Variants in TMEM170B observed in about 807,000 individuals in gnomAD.
TMEM170B encodes the protein transmembrane protein 170B.
A neutral mutation model predicts 13.0 loss-of-function variants in TMEM170B; 6 were observed. The ratio of observed to expected loss-of-function variants is 0.46; its 90% confidence interval spans 0.25 to 0.91. The LOEUF (loss-of-function observed/expected upper bound fraction) is 0.91, where lower values mean the gene tolerates loss of function less well. Among genes scored for constraint, TMEM170B ranks in the 40% least tolerant of loss-of-function variants. TMEM170B has a pLI of 0.17. For synonymous variants in TMEM170B, 61 were observed against 64.9 expected (o/e 0.94, Z 0.29); for missense variants, 138 against 165.2 (o/e 0.84, Z 0.90).
intron 1 of TMEM170B, among the ~76,000 whole-genome samples, chr6:11,560,512 G>T (rs189980980): frequency 6.7e-6 from 1 of 149,844 alleles, no homozygotes; most frequent in Non-Finnish European, 1.5e-5. Flanking sequence ...TCAGGAGACT[G>T]AGGCAGGAGA....
At chr6:11,542,260 AGTAAAT>A (rs2113760497) in intron 1 of TMEM170B, among the ~76,000 whole-genome samples, 1 of 152,324 alleles carries the variant, frequency 6.6e-6, no homozygotes, top group Non-Finnish European at 1.5e-5. Flanking sequence ...GGAGCCATAG[AGTAAAT>A]GTAAATGTAA....
At chr6:11,572,930 C>T (rs1182115474) in intron 2 of TMEM170B, among the ~76,000 whole-genome samples, 1 of 151,892 alleles carries the variant, frequency 6.6e-6, no homozygotes, top group Non-Finnish European at 1.5e-5. Flanking sequence ...TCTATATTTT[C>T]CTTTTGAAAT....
intron 1 of TMEM170B, among the ~76,000 whole-genome samples, chr6:11,542,750 A>T (rs552243925): frequency 2.0e-5 from 3 of 152,342 alleles, no homozygotes; most frequent in African/African-American, 7.2e-5. Flanking sequence ...CTTAATCATT[A>T]GTTAACAGAT....
intron 1 of TMEM170B, among the ~76,000 whole-genome samples, chr6:11,540,811 T>A (rs1759349839): frequency 6.6e-6 from 1 of 152,198 alleles, no homozygotes; most frequent in Non-Finnish European, 1.5e-5. Flanking sequence ...TCTTAAATAA[T>A]AAGACTAGAA....
chr6:11,563,416 C>G (rs888945805), intron 1 of TMEM170B, among the ~76,000 whole-genome samples: 1 of 152,132 alleles, frequency 6.6e-6, no homozygotes, highest in Non-Finnish European at 1.5e-5. Context: ...CTCTAGGATA[C>G]CAACTGGGTG....
chr6:11,574,512 C>A (rs1245485658), intron 2 of TMEM170B, among the ~76,000 whole-genome samples: 1 of 152,100 alleles, frequency 6.6e-6, no homozygotes, highest in Non-Finnish European at 1.5e-5. Context: ...CAGATAACTT[C>A]TCGTCTTTGT....
chr6:11,555,109 A>G (rs1203817580), intron 1 of TMEM170B, among the ~76,000 whole-genome samples: 1 of 152,112 alleles, frequency 6.6e-6, no homozygotes, highest in Admixed American at 6.5e-5. Context: ...TCTGACAAAT[A>G]AATGTTCATT....
rs1377103759 is a variant in TMEM170B, at chr6:11,581,717, C to T, written c.*6156C>T. 6.6e-6 allele frequency: 1 copy of T among 152,132 alleles called. No individual in the cohort carries two copies. The highest frequency in any genetic ancestry group is 6.5e-5 in the Admixed American group (1 of 15,278). The allele number at this position is 152,132 out of a possible 1,614,324, so 9.4% of individuals were successfully genotyped here. ...TAAGCAGAAATCACTTTTTTTAGAG[C>T]CTTGTTTAAAGGAACGTTAACTCGA... On this transcript the variant is annotated 3_prime_UTR_variant, in exon 3 of 3. Transcript: ENST00000379426.
chr6:11,547,413 G>GA (rs146512068), intron 1 of TMEM170B, among the ~76,000 whole-genome samples: 8,802 of 152,170 alleles, frequency 0.058, 275 homozygotes, highest in East Asian at 0.16. Flanking sequence ...AGCTTAAGTA[G>GA]AAAAAATTAC....
At chr6:11,560,996 G>A (rs532259685) in intron 1 of TMEM170B, among the ~76,000 whole-genome samples, 3 of 152,274 alleles carry the variant, frequency 2.0e-5, no homozygotes, top group Admixed American at 2.0e-4. Context: ...ATTGTTTGGA[G>A]GCTGGAACAG....
intron 1 of TMEM170B, among the ~76,000 whole-genome samples, chr6:11,563,611 A>G (rs901717215): frequency 2.0e-5 from 3 of 152,172 alleles, no homozygotes; most frequent in Admixed American, 1.3e-4. Flanking sequence ...CATTTGCTAG[A>G]ACAGCTCATA....
rs1759890462 is a variant in TMEM170B, at chr6:11,577,230, A to G, written c.*1669A>G. On this transcript the variant is annotated 3_prime_UTR_variant, in exon 3 of 3. Transcript: ENST00000379426. ...CAGTACTTTTCTCAGTATGGAAGCC[A>G]ATTTGGGAGATTTACTAACACTGGC... 6.6e-6 allele frequency: 1 copy of G among 152,104 alleles called. No individual in the cohort carries two copies. Among genetic ancestry groups the G allele is most frequent in the South Asian group, 2.1e-4 (1 of 4,828 alleles). The allele number at this position is 152,104 out of a possible 1,614,324, so 9.4% of individuals were successfully genotyped here.
intron 1 of TMEM170B, among the ~76,000 whole-genome samples, chr6:11,549,463 A>G (rs1027014084): frequency 6.6e-6 from 1 of 152,176 alleles, no homozygotes; most frequent in African/African-American, 2.4e-5. Context: ...GGAGATCGAG[A>G]CCATCCTGGC....
intron 1 of TMEM170B, among the ~76,000 whole-genome samples, chr6:11,558,000 G>A (rs1759612707): frequency 6.6e-6 from 1 of 151,992 alleles, no homozygotes; most frequent in Non-Finnish European, 1.5e-5. Flanking sequence ...GCCTCAAACT[G>A]CTGGGCTCAA....
Position 11,575,767 on chromosome 6 carries a change from C to G in TMEM170B, c.*206C>G, listed in dbSNP as rs1759866736. The G allele has an allele frequency of 2.0e-6, 1 of 507,506 alleles. No individual in the cohort carries two copies. The highest frequency in any genetic ancestry group is 3.4e-6 in the Non-Finnish European group (1 of 290,682). The allele number at this position is 507,506 out of a possible 1,614,324, so 31.4% of individuals were successfully genotyped here. The stretch of plus-strand genomic sequence containing the variant: ...CGCACTGCACCTTATGTGCCTCTGT[C>G]TCAGGCAAGGTGCATTAAGACACTA... On this transcript the variant is annotated 3_prime_UTR_variant, in exon 3 of 3. Coordinates refer to ENST00000379426, the MANE Select transcript of TMEM170B (RefSeq NM_001100829.3). This position sits in a 1 kb window ranked among gnomAD's most constrained non-coding sequence, Gnocchi z 4.1.
intron 2 of TMEM170B, 65 bp downstream of exon 2, chr6:11,565,901 T>G: frequency 6.8e-7 from 1 of 1,475,394 alleles, no homozygotes; most frequent in South Asian, 1.1e-5. Flanking sequence ...GGTAGCTGTG[T>G]TCTTATTATA....
At chr6:11,551,425 A>G (rs557613040) in intron 1 of TMEM170B, among the ~76,000 whole-genome samples, 6 of 152,252 alleles carry the variant, frequency 3.9e-5, no homozygotes, top group African/African-American at 1.4e-4. Flanking sequence ...AGACAGTCTT[A>G]AAGGTGGGTA....
At chr6:11,566,449 C>G (rs761668351) in intron 2 of TMEM170B, among the ~76,000 whole-genome samples, 94 of 152,276 alleles carry the variant, frequency 6.2e-4, no homozygotes, top group Non-Finnish European at 1.1e-3. Context: ...GCCTTGACTT[C>G]AAAGAATTAG....
At chr6:11,567,505 T>C (rs1319286115) in intron 2 of TMEM170B, among the ~76,000 whole-genome samples, 1 of 152,210 alleles carries the variant, frequency 6.6e-6, no homozygotes, top group Non-Finnish European at 1.5e-5. Context: ...TCCTTTGTCT[T>C]GAGAGGAAAG....
Sources: gnomAD v4.1 joint callset for allele counts (sites outside exome capture counted in the v4.1 genomes callset) on GRCh38, gnomAD v4.1.1 for gene constraint, Gnocchi (gnomAD v3.1) non-coding constraint, MANE v1.5 for transcripts, NCBI Gene and HGNC (gene_info 2026-07-23, HGNC 2026-07-21) for gene names.